Variants in SIMC1 observed in about 807,000 individuals in gnomAD.
SIMC1 encodes the protein SUMO interacting motifs containing 1, also known as SUMO-interacting motif-containing protein 1.
SIMC1 carries 55 observed loss-of-function variants against 82.3 expected under a neutral mutation model. The ratio of observed to expected loss-of-function variants is 0.67; its 90% CI spans 0.54 to 0.84. The LOEUF is 0.84. SIMC1 is among the 40% of genes least tolerant of loss of function. The pLI, the probability that SIMC1 is intolerant of heterozygous loss-of-function variation, is 0.00. For missense variants in SIMC1, 915 were observed against 1,107.2 expected, an observed-to-expected ratio of 0.83 and a Z score of 2.46; for synonymous variants, 353 against 426.3, an observed-to-expected ratio of 0.83 and a Z score of 2.12.
intron 4 of SIMC1, chr5:176,308,837 A>T (rs1764538202): frequency 1.6e-6 from 2 of 1,241,158 alleles, no homozygotes; most frequent in African/African-American, 3.0e-5. Context: ...ATCTGGACTC[A>T]TAACCAAGAT....
At chr5:176,298,928 C>T (rs1446911368) in intron 4 of SIMC1, among the ~76,000 whole-genome samples, 2 of 152,202 alleles carry the variant, frequency 1.3e-5, no homozygotes, top group East Asian at 1.9e-4. Flanking sequence ...GGCTACAAGA[C>T]GTATAGGAAA....
At chr5:176,243,255 T>TAGTTATAAGATCTAGATGAATAAGGCA in intron 1 of SIMC1, among the ~76,000 whole-genome samples, 1 of 152,158 alleles carries the variant, frequency 6.6e-6, no homozygotes, top group Middle Eastern at 3.4e-3. Flanking sequence ...GACAACAAAT[T>TAGTTATAAGATCTAGATGAATAAGGCA]AGTTATAAGA....
intron 1 of SIMC1, among the ~76,000 whole-genome samples, chr5:176,281,804 A>G (rs1190770258): frequency 6.6e-6 from 1 of 152,114 alleles, no homozygotes; most frequent in Non-Finnish European, 1.5e-5. Context: ...GTCTCAGAGG[A>G]GTACCCGGCC....
intron 3 of SIMC1, 23 bp downstream of exon 3, chr5:176,295,285 G>A (rs758842444): frequency 1.0e-5 from 16 of 1,590,344 alleles, no homozygotes; most frequent in African/African-American, 1.3e-5. Context: ...ACCTCTGGCT[G>A]TTGGCGAATC....
intron 1 of SIMC1, among the ~76,000 whole-genome samples, chr5:176,277,260 C>G (rs1048860828): frequency 3.3e-5 from 5 of 151,686 alleles, no homozygotes; most frequent in African/African-American, 1.2e-4. Flanking sequence ...TGAGAAGTGT[C>G]TGTTCATGTC....
intron 2 of SIMC1, among the ~76,000 whole-genome samples, chr5:176,293,740 T>A (rs1424889308): frequency 1.4e-5 from 2 of 144,498 alleles, no homozygotes; most frequent in African/African-American, 2.7e-5. Context: ...AGAGCCAGAC[T>A]TCATCTCAAA....
intron 1 of SIMC1, among the ~76,000 whole-genome samples, chr5:176,284,737 G>T (rs957406929): frequency 6.6e-6 from 1 of 151,996 alleles, no homozygotes; most frequent in Non-Finnish European, 1.5e-5. Context: ...AATGAATCTA[G>T]GAGCTGGGCA....
chr5:176,277,558 C>T (rs1369894427), intron 1 of SIMC1, among the ~76,000 whole-genome samples: 6 of 152,010 alleles, frequency 3.9e-5, no homozygotes, highest in Non-Finnish European at 8.8e-5. Flanking sequence ...CCTAGGTTTT[C>T]TTCTAGGGTT....
chr5:176,251,191 C>T (rs1008602029), intron 1 of SIMC1, among the ~76,000 whole-genome samples: 2 of 152,110 alleles, frequency 1.3e-5, no homozygotes, highest in African/African-American at 4.8e-5. Context: ...GAAACCCTGT[C>T]TCTACTAAAA....
chr5:176,329,448 G>T (rs1765536273), intron 7 of SIMC1, among the ~76,000 whole-genome samples: 1 of 149,180 alleles, frequency 6.7e-6, no homozygotes. Context: ...CTGCAGTCCA[G>T]CCTGGGCGAA....
chr5:176,330,391 T>G (rs539785049), intron 7 of SIMC1, among the ~76,000 whole-genome samples: 2 of 137,302 alleles, frequency 1.5e-5, no homozygotes, highest in South Asian at 4.6e-4. Flanking sequence ...ACAGAGCAAG[T>G]CTCCATCTCA....
At chr5:176,319,250 T>C (rs1213441262) in intron 5 of SIMC1, among the ~76,000 whole-genome samples, 1 of 152,272 alleles carries the variant, frequency 6.6e-6, no homozygotes, top group Non-Finnish European at 1.5e-5. Flanking sequence ...GGGTTGGGCA[T>C]TCAGTGGGCC....
At position 176,290,103 on chromosome 5, in the gene SIMC1, G is replaced by A; in HGVS notation, c.579G>A (p.Arg193=). The A allele has an allele frequency of 6.2e-7, 1 of 1,605,736 alleles. No individual in the cohort carries two copies. Among genetic ancestry groups the A allele is most frequent in the Non-Finnish European group, 8.5e-7 (1 of 1,176,036 alleles). The change falls in exon 2 of 10, where the codon AGG becomes AGA. Residue 193 remains arginine (R), a synonymous_variant. Transcript: ENST00000429602. ...SSLSPTSNNS[R]SSSSSSNQKA... ...TCTCCCCAACAAGCAATAATAGTAG[G>A]AGCAGCAGCAGCAGCAGCAATCAAA...
At chr5:176,291,601 G>A (rs1367008377) in intron 2 of SIMC1, among the ~76,000 whole-genome samples, 1 of 151,904 alleles carries the variant, frequency 6.6e-6, no homozygotes, top group Admixed American at 6.6e-5. Flanking sequence ...CTCCCAAAGT[G>A]CTAGGATTAC....
chr5:176,249,860 A>AAAC (rs1761591276), intron 1 of SIMC1, among the ~76,000 whole-genome samples: 1 of 151,160 alleles, frequency 6.6e-6, no homozygotes, highest in Non-Finnish European at 1.5e-5. Context: ...AAAAAAAAAA[A>AAAC]AAAACCAGCT....
In SIMC1 at chr5:176,345,725, T is replaced by C. The variant is rs929192687; in HGVS notation, c.*280T>C. On this transcript the variant is annotated 3_prime_UTR_variant, in exon 10 of 10. Transcript: ENST00000429602. ...AGGTTAATACTCTGTGCATCACATG[T>C]TTAACATTTTCATTCAAGATGTGGA... 5.7e-6 allele frequency: 1 copy of C among 175,904 alleles called. No individual in the cohort carries two copies. The highest frequency in any genetic ancestry group is 2.4e-5 in the African/African-American group (1 of 42,356). The allele number at this position is 175,904 out of a possible 1,614,324, so 10.9% of individuals were successfully genotyped here.
chr5:176,265,427 T>G (rs1391645631), intron 1 of SIMC1, among the ~76,000 whole-genome samples: 1 of 152,212 alleles, frequency 6.6e-6, no homozygotes, highest in African/African-American at 2.4e-5. Flanking sequence ...ATCAACACCA[T>G]AAGTGGGTGA....
At chr5:176,277,028 C>A (rs1282292713) in intron 1 of SIMC1, among the ~76,000 whole-genome samples, 1 of 151,186 alleles carries the variant, frequency 6.6e-6, no homozygotes, top group African/African-American at 2.4e-5. Context: ...GCCACACTGA[C>A]TTCCACAATG....
At chr5:176,256,298 T>C (rs1300217782) in intron 1 of SIMC1, among the ~76,000 whole-genome samples, 1 of 152,204 alleles carries the variant, frequency 6.6e-6, no homozygotes, top group African/African-American at 2.4e-5. Context: ...TTCATATCAA[T>C]GTGTATATAA....
Sources: gnomAD v4.1 joint callset for allele counts (sites outside exome capture counted in the v4.1 genomes callset) on GRCh38, gnomAD v4.1.1 for gene constraint, MANE v1.5 for transcripts, NCBI Gene and HGNC (gene_info 2026-07-23, HGNC 2026-07-21) for gene names.